TLN2: variants seen among roughly 807,000 people sequenced by gnomAD.
TLN2 encodes talin-2.
TLN2 carries 118 observed loss-of-function variants against 294.7 expected under a neutral mutation model. The observed-to-expected ratio is 0.40, with a 90% CI of 0.34 to 0.47. TLN2 has a LOEUF of 0.47. Among genes scored for constraint, TLN2 ranks in the 20% least tolerant of loss-of-function variants. The pLI, the probability that TLN2 is intolerant of heterozygous loss-of-function variation, is 0.84. For missense variants in TLN2, 3,083 were observed against 3,282.2 expected (o/e 0.94, Z 1.48); for synonymous variants, 1,431 against 1,304.5 (o/e 1.10, Z -2.09).
chr15:62,599,606 G>A (rs931056179), intron 2 of TLN2, among the ~76,000 whole-genome samples: 2 of 152,200 alleles, frequency 1.3e-5, no homozygotes, highest in African/African-American at 4.8e-5. Flanking sequence ...CATCAGTGAA[G>A]TTTACAAAGC....
intron 1 of TLN2, among the ~76,000 whole-genome samples, chr15:62,493,348 C>T (rs553108718): frequency 3.9e-5 from 6 of 152,232 alleles, no homozygotes; most frequent in South Asian, 2.1e-4. Flanking sequence ...AGTTTCCTCA[C>T]GTGTCAAACA....
At chr15:62,793,607 C>T (rs751411595) in intron 46 of TLN2, among the ~76,000 whole-genome samples, 9 of 152,106 alleles carry the variant, frequency 5.9e-5, no homozygotes, top group Admixed American at 1.3e-4. Flanking sequence ...GGCAGTTTTC[C>T]CCAGTTAACC....
At chr15:62,491,347 TATATACACACACACACACACACAC>T (rs1199229850) in intron 1 of TLN2, among the ~76,000 whole-genome samples, 37 of 82,308 alleles carry the variant, frequency 4.5e-4, no homozygotes, top group African/African-American at 1.8e-3. Flanking sequence ...AATATATATA[TATATACACACACACACACACACAC>T]ACACACACAC....
chr15:62,840,353 G>C (rs2070497995), intron 58 of TLN2, 129 bp from the exon 59 acceptor site: 1 of 1,370,384 alleles, frequency 7.3e-7, no homozygotes, highest in Admixed American at 2.3e-5. Flanking sequence ...CCAGAGCTAA[G>C]AAAGCTGTTC....
At chr15:62,412,397 C>T (rs550260523) in intron 1 of TLN2, among the ~76,000 whole-genome samples, 33 of 152,290 alleles carry the variant, frequency 2.2e-4, no homozygotes, top group Middle Eastern at 3.4e-3. Flanking sequence ...CTACTCAAAT[C>T]CTCTTGAACC....
intron 54 of TLN2, among the ~76,000 whole-genome samples, chr15:62,825,837 A>T (rs1178431719): frequency 0.064 from 742 of 11,666 alleles, 18 homozygotes; most frequent in South Asian, 0.13. Flanking sequence ...ATAATATATA[A>T]TATATATAAA....
rs565838449 is a variant in TLN2 at position 62,463,567 on chromosome 15, G to A, written c.-238+72882G>A. Among the ~76,000 whole-genome samples, 8 of 152,172 alleles carry A rather than the reference G, an allele frequency of 5.3e-5. No homozygotes were observed. In the East Asian group the frequency reaches 1.4e-3, roughly 26 times the overall value. On this transcript the variant is annotated intron_variant, in intron 1 of 58. Coordinates refer to ENST00000636159, the MANE Select transcript of TLN2 (RefSeq NM_015059.3). ...AAACCACAATGAGATACCATCTCACGCCAGTTAGAATGGCGATCATTAAAA... is the reference window on the plus strand; with the variant it reads ...AAACCACAATGAGATACCATCTCACACCAGTTAGAATGGCGATCATTAAAA...
At chr15:62,489,978 G>A (rs1048572348) in intron 1 of TLN2, among the ~76,000 whole-genome samples, 12 of 152,144 alleles carry the variant, frequency 7.9e-5, no homozygotes, top group South Asian at 2.1e-4. Context: ...TAGTTATGCC[G>A]CTCTCAAATT....
At chr15:62,764,443 A>G (rs1265515348) in intron 40 of TLN2, among the ~76,000 whole-genome samples, 1 of 152,136 alleles carries the variant, frequency 6.6e-6, no homozygotes, top group Non-Finnish European at 1.5e-5. Context: ...CAGAGTTAGT[A>G]TTGCTCATTT....
intron 14 of TLN2, among the ~76,000 whole-genome samples, chr15:62,696,195 C>T (rs2058320694): frequency 6.6e-6 from 1 of 152,206 alleles, no homozygotes; most frequent in Non-Finnish European, 1.5e-5. Flanking sequence ...TCGAGCCTTG[C>T]TCTGGGCAAC....
intron 1 of TLN2, among the ~76,000 whole-genome samples, chr15:62,560,064 G>T (rs1391268243): frequency 2.0e-5 from 3 of 152,148 alleles, no homozygotes; most frequent in African/African-American, 7.2e-5. Flanking sequence ...ACTGCCATAG[G>T]GTCAGGGCTC....
chr15:62,497,402 CTTAG>C (rs2039066018), intron 1 of TLN2, among the ~76,000 whole-genome samples: 1 of 152,174 alleles, frequency 6.6e-6, no homozygotes, highest in Non-Finnish European at 1.5e-5. Flanking sequence ...TGGATGGACC[CTTAG>C]TTAGATCCTC....
intron 21 of TLN2, 132 bp downstream of exon 21, chr15:62,708,928 C>A: frequency 9.5e-7 from 1 of 1,055,790 alleles, no homozygotes; most frequent in Non-Finnish European, 1.3e-6. Context: ...CAAAGACTTC[C>A]CCACTGAAGC....
chr15:62,450,850 C>T (rs1382871830), intron 1 of TLN2, among the ~76,000 whole-genome samples: 1 of 151,848 alleles, frequency 6.6e-6, no homozygotes, highest in Non-Finnish European at 1.5e-5. Context: ...GGATTATAGG[C>T]ATGAGCTACC....
At chr15:62,526,010 G>A (rs8038549) in intron 1 of TLN2, among the ~76,000 whole-genome samples, 2 of 152,040 alleles carry the variant, frequency 1.3e-5, no homozygotes, top group Non-Finnish European at 2.9e-5. Flanking sequence ...GGGGCAGGAA[G>A]GGTGGCTTGG....
intron 1 of TLN2, among the ~76,000 whole-genome samples, chr15:62,432,140 T>C (rs1447497714): frequency 6.6e-6 from 1 of 152,238 alleles, no homozygotes; most frequent in Non-Finnish European, 1.5e-5. Context: ...ATTTTTTTAC[T>C]TTTTATTAGT....
intron 3 of TLN2, among the ~76,000 whole-genome samples, chr15:62,622,004 G>C (rs1274074445): frequency 6.6e-6 from 1 of 151,578 alleles, no homozygotes; most frequent in Non-Finnish European, 1.5e-5. Context: ...GTATCCAGTA[G>C]AAAAAAACAT....
At position 62,697,741 on chromosome 15, in the gene TLN2, C is replaced by T. The variant is rs1280561334; in HGVS notation, c.1346C>T (p.Ser449Leu). Reference sequence around the variant, plus strand: ...CGGACCGGGAAGGCAGAGCACGGCTCAGTGGCGCTGCCGGCCGTGATGCGC... The same window carrying T: ...CGGACCGGGAAGGCAGAGCACGGCTTAGTGGCGCTGCCGGCCGTGATGCGC... Reference protein sequence around the residue: ...FNRTGKAEHGSVALPAVMRSG... With the variant: ...FNRTGKAEHGLVALPAVMRSG... The change falls in exon 15 of 59, where the codon TCA becomes TTA. Residue 449 changes from serine to leucine, a missense_variant. Transcript: ENST00000636159. The T allele has an allele frequency of 9.3e-6, 15 of 1,611,874 alleles. No homozygotes were observed. The highest frequency in any genetic ancestry group is 1.6e-4 in the Middle Eastern group (1 of 6,072).
In TLN2 at chr15:62,766,250, G is replaced by A. The variant is rs1033094391; in HGVS notation, c.5095-71G>A. 7 of 1,344,478 alleles carry A rather than the reference G, an allele frequency of 5.2e-6. No individual in the cohort carries two copies. In the East Asian group the frequency reaches 1.2e-4, roughly 23 times the overall value. 83.3% of individuals were successfully genotyped at this position (1,344,478 alleles called of 1,614,324 possible). ...TGTGGCCTCTGTCATTTTTCAGAGG[G>A]GCCTTTTTGAATCAGTGCAGCTCTG... On this transcript the variant is annotated intron_variant, in intron 40 of 58. Coordinates refer to ENST00000636159, the MANE Select transcript of TLN2 (RefSeq NM_015059.3).
Sources: allele counts gnomAD v4.1 joint callset (sites outside exome capture counted in the v4.1 genomes callset), GRCh38; gene constraint gnomAD v4.1.1; transcripts MANE v1.5; gene names NCBI Gene and HGNC (gene_info 2026-07-23, HGNC 2026-07-21).